Variants in ZFHX3 observed in about 807,000 individuals in gnomAD.
The protein encoded by ZFHX3 is zinc finger homeobox protein 3.
In ZFHX3, 42 loss-of-function variants were observed where a neutral mutation model predicts 279.1. That is an observed-to-expected ratio of 0.15 (90% confidence interval 0.12 to 0.19). ZFHX3 has a LOEUF of 0.19. Ranked by LOEUF, ZFHX3 falls within the 10% of genes least tolerant of loss-of-function variation. The probability of loss-of-function intolerance (pLI) is 1.00; values close to 1 mark genes in which losing one functional copy is unlikely to be tolerated. For synonymous variants in ZFHX3, 2,293 were observed against 1,957.8 expected (o/e 1.17, Z -4.52); for missense variants, 4,981 against 4,754.0 (o/e 1.05, Z -1.40).
At chr16:73,431,017 T>A (rs546886071) in intron 3 of ZFHX3, among the ~76,000 whole-genome samples, 3 of 152,258 alleles carry the variant, frequency 2.0e-5, no homozygotes, top group African/African-American at 7.2e-5. Flanking sequence ...TAAAGAGAAA[T>A]GGAAATTTGA....
At chr16:73,192,645 G>T (rs1397874932) in intron 5 of ZFHX3, among the ~76,000 whole-genome samples, 1 of 152,198 alleles carries the variant, frequency 6.6e-6, no homozygotes, top group Non-Finnish European at 1.5e-5. Context: ...GTCCAAGTGA[G>T]TGAGGGCTGA....
intron 7 of ZFHX3, among the ~76,000 whole-genome samples, chr16:72,806,234 G>T (rs906019736): frequency 6.6e-6 from 1 of 152,202 alleles, no homozygotes; most frequent in Admixed American, 6.5e-5. Context: ...AGAAAATACT[G>T]TAGGGCCGTG....
intron 3 of ZFHX3, among the ~76,000 whole-genome samples, chr16:73,433,263 C>T (rs144408420): frequency 1.0e-3 from 155 of 152,304 alleles, no homozygotes; most frequent in Middle Eastern, 3.4e-3. Flanking sequence ...CAGCCCTCCA[C>T]CCCCTTGTTC....
intron 3 of ZFHX3, among the ~76,000 whole-genome samples, chr16:72,947,314 C>A (rs375745958): frequency 2.0e-5 from 3 of 152,240 alleles, no homozygotes; most frequent in African/African-American, 7.2e-5. Flanking sequence ...CGACACCATT[C>A]CAGGCAACGA....
At chr16:72,937,005 C>T (rs1022472931) in intron 3 of ZFHX3, among the ~76,000 whole-genome samples, 5 of 152,152 alleles carry the variant, frequency 3.3e-5, no homozygotes, top group African/African-American at 1.2e-4. Context: ...AGGAGCCCCA[C>T]AGATAGTTCC....
intron 2 of ZFHX3, among the ~76,000 whole-genome samples, chr16:73,560,277 T>C (rs1397400691): frequency 6.6e-6 from 1 of 152,072 alleles, no homozygotes; most frequent in African/African-American, 2.4e-5. Context: ...AAAATCCAGA[T>C]CTTCCTCCTT....
At chr16:73,428,704 T>C (rs2017856682) in intron 3 of ZFHX3, among the ~76,000 whole-genome samples, 1 of 152,172 alleles carries the variant, frequency 6.6e-6, no homozygotes, top group South Asian at 2.1e-4. Flanking sequence ...AGAATAAATA[T>C]GGATCACTAC....
chr16:72,938,560 G>C (rs1335202764), intron 3 of ZFHX3, among the ~76,000 whole-genome samples: 1 of 152,226 alleles, frequency 6.6e-6, no homozygotes, highest in Non-Finnish European at 1.5e-5. Context: ...GGTCCCTCGG[G>C]AAGCTAGCTA....
At chr16:73,018,044 G>A (rs2144642232) in intron 1 of ZFHX3, among the ~76,000 whole-genome samples, 1 of 150,420 alleles carries the variant, frequency 6.6e-6, no homozygotes, top group Non-Finnish European at 1.5e-5. Context: ...GGAGTCCAGT[G>A]GCACGATCAT....
At chr16:73,186,721 A>T in intron 5 of ZFHX3, among the ~76,000 whole-genome samples, 1 of 152,104 alleles carries the variant, frequency 6.6e-6, no homozygotes, top group East Asian at 1.9e-4. Context: ...CTAACGATAA[A>T]GTTGTTACAC....
chr16:73,178,111 T>C (rs1967706430), intron 5 of ZFHX3, among the ~76,000 whole-genome samples: 1 of 152,222 alleles, frequency 6.6e-6, no homozygotes, highest in East Asian at 1.9e-4. Flanking sequence ...GTTTAATCCC[T>C]CTCCCACACA....
At chr16:72,956,874 C>G (rs769909940) in intron 2 of ZFHX3, among the ~76,000 whole-genome samples, 1 of 150,964 alleles carries the variant, frequency 6.6e-6, no homozygotes, top group Non-Finnish European at 1.5e-5. Context: ...CATAAATATA[C>G]AGAGAACTTT....
intron 3 of ZFHX3, among the ~76,000 whole-genome samples, chr16:73,416,655 C>CTT: frequency 6.6e-6 from 1 of 152,072 alleles, no homozygotes; most frequent in Non-Finnish European, 1.5e-5. Context: ...GGGTGGACCA[C>CTT]GAGGTCAGGA....
At chr16:73,725,172 G>C (rs1201789240) in intron 1 of ZFHX3, among the ~76,000 whole-genome samples, 1 of 152,154 alleles carries the variant, frequency 6.6e-6, no homozygotes, top group East Asian at 1.9e-4. Context: ...AATACATAGG[G>C]TCTAATAAAG....
At chr16:73,294,048 A>T (rs960544892) in intron 4 of ZFHX3, 13 of 149,064 alleles carry the variant, frequency 8.7e-5, no homozygotes, top group African/African-American at 3.2e-4. Flanking sequence ...TGAAATATCT[A>T]GTTTCTGGAA....
chr16:72,950,042 G>A (rs1343770277), intron 3 of ZFHX3, among the ~76,000 whole-genome samples: 1 of 145,648 alleles, frequency 6.9e-6, no homozygotes, highest in Non-Finnish European at 1.5e-5. Context: ...AAGGAAGGGA[G>A]GAACAAAACA....
At chr16:73,584,425 A>G (rs1024818503) in intron 2 of ZFHX3, among the ~76,000 whole-genome samples, 7 of 152,240 alleles carry the variant, frequency 4.6e-5, no homozygotes, top group Non-Finnish European at 1.0e-4. Flanking sequence ...TAGACAGCTG[A>G]CTGCTGATCA....
intron 2 of ZFHX3, among the ~76,000 whole-genome samples, chr16:73,472,285 A>C (rs1454867157): frequency 6.6e-6 from 1 of 151,816 alleles, no homozygotes; most frequent in African/African-American, 2.4e-5. Flanking sequence ...AAAAAAAAAA[A>C]AACAGCATAT....
intron 1 of ZFHX3, among the ~76,000 whole-genome samples, chr16:73,869,826 G>C (rs974893630): frequency 6.6e-6 from 1 of 152,178 alleles, no homozygotes; most frequent in Non-Finnish European, 1.5e-5. Context: ...TTTAGAGGGA[G>C]GTAGCGGTCT....
Sources: gnomAD v4.1 joint callset for allele counts (sites outside exome capture counted in the v4.1 genomes callset) on GRCh38, gnomAD v4.1.1 for gene constraint, MANE v1.5 for transcripts, NCBI Gene and HGNC (gene_info 2026-07-23, HGNC 2026-07-21) for gene names.